Variants in PRR11 observed in about 807,000 individuals in gnomAD.
PRR11 encodes proline-rich protein 11.
Under a neutral mutation model 45.6 loss-of-function variants are expected in PRR11, and 30 were observed. That is an observed-to-expected ratio of 0.66 (90% CI 0.49 to 0.89). The LOEUF (loss-of-function observed/expected upper bound fraction) is 0.89. PRR11 is among the 40% of genes least tolerant of loss of function. PRR11 has a pLI of 0.00. For synonymous variants in PRR11, 128 were observed against 153.5 expected (o/e 0.83, Z 1.23); for missense variants, 373 against 424.8 (o/e 0.88, Z 1.07).
At chr17:59,196,460 T>G (rs2046866521) in intron 7 of PRR11, among the ~76,000 whole-genome samples, 1 of 152,128 alleles carries the variant, frequency 6.6e-6, no homozygotes, top group South Asian at 2.1e-4. Flanking sequence ...CACAGCAACC[T>G]CCACCTCCCG....
rs760727945 is a variant in PRR11, at chr17:59,201,531, G to C, written c.1015-32G>C. 6 of 1,581,366 alleles carry C rather than the reference G, an allele frequency of 3.8e-6. No individual in the cohort carries two copies. The East Asian group carries it at 1.3e-4, about 35-fold the overall frequency. Reference sequence around the variant, plus strand: ...TTGTACTTATCACAGGAATATAATTGATATTATAATTGGGACTTTTTTTTT... The same window carrying C: ...TTGTACTTATCACAGGAATATAATTCATATTATAATTGGGACTTTTTTTTT... On this transcript the variant is annotated intron_variant, in intron 9 of 9. Coordinates refer to ENST00000262293, the MANE Select transcript of PRR11 (RefSeq NM_018304.4).
intron 2 of PRR11, among the ~76,000 whole-genome samples, chr17:59,171,315 T>C (rs2046707435): frequency 1.3e-5 from 2 of 151,716 alleles, no homozygotes; most frequent in South Asian, 4.2e-4. Context: ...AAAAATTACA[T>C]CTGAATTCTC....
chr17:59,168,143 TTTTTATTTTATTTTA>T (rs149225177), intron 1 of PRR11, among the ~76,000 whole-genome samples: 1 of 150,808 alleles, frequency 6.6e-6, no homozygotes. Flanking sequence ...CTAGGTAATG[TTTTTATTTTATTTTA>T]TTTTATTTTA....
At chr17:59,163,258 T>C (rs1649088904) in intron 1 of PRR11, among the ~76,000 whole-genome samples, 1 of 152,124 alleles carries the variant, frequency 6.6e-6, no homozygotes, top group African/African-American at 2.4e-5. Context: ...AAATTTTGTA[T>C]TTTTGGTAGA....
At chr17:59,200,523 C>T (rs187461309) in intron 9 of PRR11, among the ~76,000 whole-genome samples, 6 of 152,230 alleles carry the variant, frequency 3.9e-5, no homozygotes, top group Middle Eastern at 3.4e-3. Context: ...GACGGAGTCT[C>T]GCTCTGTCGC....
intron 1 of PRR11, among the ~76,000 whole-genome samples, chr17:59,158,221 T>C (rs1365849945): frequency 2.0e-5 from 3 of 152,138 alleles, no homozygotes; most frequent in Non-Finnish European, 4.4e-5. Context: ...CTTGGACTCT[T>C]CAAAATTATA....
At chr17:59,182,982 G>C (rs991283663) in intron 2 of PRR11, among the ~76,000 whole-genome samples, 10 of 152,216 alleles carry the variant, frequency 6.6e-5, no homozygotes, top group Non-Finnish European at 1.3e-4. Context: ...GAAGTCAGGA[G>C]TGGAGAACAG....
Position 59,206,050 on chromosome 17 carries a change from C to CA in PRR11, c.*4429dup, listed in dbSNP as rs895661622. Among the ~76,000 whole-genome samples, 21 of 141,144 alleles carry CA rather than the reference C, an allele frequency of 1.5e-4. No homozygotes were observed. The highest frequency in any genetic ancestry group is 1.3e-3 in the South Asian group (6 of 4,466). The allele number at this position is 141,144 out of a possible 152,430, so 92.6% of individuals were successfully genotyped here. On this transcript the variant is annotated 3_prime_UTR_variant, in exon 10 of 10. Coordinates refer to ENST00000262293, the MANE Select transcript of PRR11 (RefSeq NM_018304.4). ...TGGGCAACAGAGTGAGACCTTGTCT[C>CA]AAAAAAAAAAGAAAGAAAAAGAAAA...
intron 1 of PRR11, 67 bp from the exon 2 acceptor site, chr17:59,169,681 A>G: frequency 7.4e-7 from 1 of 1,353,724 alleles, no homozygotes; most frequent in Non-Finnish European, 9.9e-7. Context: ...TATACACTTA[A>G]GATTTGTGTA....
In PRR11 at chr17:59,185,500, A is replaced by G. The variant is rs1240913910; in HGVS notation, c.340A>G (p.Ser114Gly). The G allele has an allele frequency of 1.2e-6, 2 of 1,612,764 alleles. No homozygotes were observed. The highest frequency in any genetic ancestry group is 1.7e-5 in the Admixed American group (1 of 59,716). Residue 114 changes from serine to glycine, a missense_variant, in exon 4 of 10, where the codon AGT (serine) becomes GGT (glycine). Transcript: ENST00000262293. Reference sequence around the variant, plus strand: ...TCGTATCTGCCACCGAGAACTTTACAGTGTAAAACAACAGTTTTGCATTTT... The same window carrying G: ...TCGTATCTGCCACCGAGAACTTTACGGTGTAAAACAACAGTTTTGCATTTT... Reference protein sequence around the residue: ...PSRICHRELYSVKQQFCILES... With the variant: ...PSRICHRELYGVKQQFCILES...
At chr17:59,163,929 G>A (rs905642811) in intron 1 of PRR11, among the ~76,000 whole-genome samples, 8 of 152,106 alleles carry the variant, frequency 5.3e-5, no homozygotes, top group African/African-American at 1.2e-4. Flanking sequence ...GCCTGGCGCC[G>A]TGGCAGGCGC....
intron 9 of PRR11, among the ~76,000 whole-genome samples, chr17:59,198,668 A>C (rs943415116): frequency 6.7e-6 from 1 of 149,674 alleles, no homozygotes; most frequent in Non-Finnish European, 1.5e-5. Context: ...AGCGAGACTT[A>C]GTCTCAAAAA....
chr17:59,194,879 A>G (rs2046858265), intron 6 of PRR11, 24 bp downstream of exon 6: 5 of 1,579,138 alleles, frequency 3.2e-6, no homozygotes, highest in African/African-American at 1.4e-5. Flanking sequence ...GACCACATAC[A>G]TGCTCTTTTT....
At chr17:59,198,249 G>A (rs1889762594) in intron 9 of PRR11, among the ~76,000 whole-genome samples, 1 of 151,946 alleles carries the variant, frequency 6.6e-6, no homozygotes, top group South Asian at 2.1e-4. Context: ...AATACAGGTA[G>A]GATTGGCCGG....
intron 4 of PRR11, among the ~76,000 whole-genome samples, chr17:59,188,838 G>A (rs890383864): frequency 1.5e-4 from 23 of 151,786 alleles, no homozygotes; most frequent in African/African-American, 5.3e-4. Flanking sequence ...TACTCAAGAG[G>A]CTGAGGCAGG....
intron 2 of PRR11, among the ~76,000 whole-genome samples, chr17:59,172,093 T>C (rs73321206): frequency 0.019 from 2,854 of 152,272 alleles, 98 homozygotes; most frequent in African/African-American, 0.063. Context: ...AACCAATAAA[T>C]GCATAGTGTG....
intron 2 of PRR11, among the ~76,000 whole-genome samples, chr17:59,181,046 G>A (rs2046782615): frequency 6.6e-6 from 1 of 151,376 alleles, no homozygotes; most frequent in South Asian, 2.1e-4. Context: ...CTGGAGTGTA[G>A]TGGCGCGATC....
intron 1 of PRR11, among the ~76,000 whole-genome samples, chr17:59,165,045 G>A (rs1406416948): frequency 6.6e-6 from 1 of 151,748 alleles, no homozygotes; most frequent in Non-Finnish European, 1.5e-5. Flanking sequence ...TTTTGAGACA[G>A]AGTCTCGCTC....
chr17:59,156,638 C>G (rs1159832989), intron 1 of PRR11, among the ~76,000 whole-genome samples: 1 of 151,424 alleles, frequency 6.6e-6, no homozygotes, highest in East Asian at 1.9e-4. Flanking sequence ...GAACAAAGAA[C>G]TTTTCTTCTC....
Sources: gnomAD v4.1 joint callset for allele counts (sites outside exome capture counted in the v4.1 genomes callset) on GRCh38, gnomAD v4.1.1 for gene constraint, MANE v1.5 for transcripts, NCBI Gene and HGNC (gene_info 2026-07-23, HGNC 2026-07-21) for gene names.